The following DAB1 variants were observed in gnomAD, a reference collection of about 807,000 sequenced individuals.
DAB1 encodes disabled homolog 1.
In DAB1, 15 loss-of-function variants were observed where a neutral mutation model predicts 64.6. The observed-to-expected ratio is 0.23, with a 90% confidence interval of 0.16 to 0.36. DAB1 has a LOEUF of 0.36. DAB1 is among the 10% of genes least tolerant of loss of function. DAB1 has a pLI of 1.00. For synonymous variants in DAB1, 235 were observed against 251.9 expected (o/e 0.93, Z 0.64); for missense variants, 596 against 706.7 (o/e 0.84, Z 1.78).
intron 4 of DAB1, among the ~76,000 whole-genome samples, chr1:57,091,914 G>A (rs1437971071): frequency 3.9e-5 from 6 of 152,170 alleles, no homozygotes; most frequent in Admixed American, 1.3e-4. Flanking sequence ...AGAGCACTCC[G>A]TAACTGGCCC....
At chr1:57,053,964 G>C (rs2100537650) in intron 9 of DAB1, among the ~76,000 whole-genome samples, 1 of 152,096 alleles carries the variant, frequency 6.6e-6, no homozygotes, top group Admixed American at 6.5e-5. Flanking sequence ...TGGGATTACA[G>C]GCATGAGCCA....
At chr1:58,172,067 A>G (rs1053269902) in intron 4 of DAB1, among the ~76,000 whole-genome samples, 3 of 152,206 alleles carry the variant, frequency 2.0e-5, no homozygotes, top group Non-Finnish European at 4.4e-5. Flanking sequence ...CGAGATAGCC[A>G]GGCCCCTTTA....
chr1:58,220,872 TAC>T (rs373869896), intron 4 of DAB1, among the ~76,000 whole-genome samples: 41,253 of 146,678 alleles, frequency 0.28, 5,952 homozygotes, highest in East Asian at 0.47. Flanking sequence ...TATACATATA[TAC>T]ACACACACAC....
intron 6 of DAB1, among the ~76,000 whole-genome samples, chr1:57,755,893 T>C (rs1557462597): frequency 6.6e-6 from 1 of 152,196 alleles, no homozygotes; most frequent in Non-Finnish European, 1.5e-5. Flanking sequence ...GATAAGCAAT[T>C]AGATTGCATA....
chr1:57,689,695 T>C (rs553719156), intron 6 of DAB1, among the ~76,000 whole-genome samples: 3 of 152,268 alleles, frequency 2.0e-5, no homozygotes, highest in African/African-American at 4.8e-5. Context: ...AGACATGCAA[T>C]GCATAATAAC....
At chr1:57,911,256 C>T (rs1257754262) in intron 5 of DAB1, among the ~76,000 whole-genome samples, 1 of 152,204 alleles carries the variant, frequency 6.6e-6, no homozygotes, top group Non-Finnish European at 1.5e-5. Flanking sequence ...TCTCTGTGTG[C>T]TGGCCATCTG....
chr1:58,197,467 T>A (rs994646618), intron 4 of DAB1, among the ~76,000 whole-genome samples: 1 of 151,540 alleles, frequency 6.6e-6, no homozygotes, highest in African/African-American at 2.4e-5. Flanking sequence ...TGGTGCCATC[T>A]CAGCTCACTG....
At chr1:57,728,412 T>C (rs540066961) in intron 6 of DAB1, among the ~76,000 whole-genome samples, 1 of 152,158 alleles carries the variant, frequency 6.6e-6, no homozygotes, top group South Asian at 2.1e-4. Flanking sequence ...GCTAACACGG[T>C]GAAACCCCGG....
intron 2 of DAB1, among the ~76,000 whole-genome samples, chr1:57,247,291 G>C (rs1668958198): frequency 6.6e-6 from 1 of 152,138 alleles, no homozygotes; most frequent in Non-Finnish European, 1.5e-5. Context: ...ATGATAGCGA[G>C]TTCTTCACAA....
At chr1:57,236,104 G>T (rs1668068050) in intron 2 of DAB1, among the ~76,000 whole-genome samples, 1 of 152,286 alleles carries the variant, frequency 6.6e-6, no homozygotes, top group African/African-American at 2.4e-5. Context: ...GAAGACGAGA[G>T]CAGAATTGGA....
intron 6 of DAB1, among the ~76,000 whole-genome samples, chr1:57,681,049 A>G (rs546607348): frequency 5.9e-5 from 9 of 152,304 alleles, no homozygotes; most frequent in African/African-American, 2.2e-4. Context: ...AATAATAGAA[A>G]TTTATTGTCC....
intron 1 of DAB1, among the ~76,000 whole-genome samples, chr1:57,835,879 C>T (rs1652787907): frequency 6.6e-6 from 1 of 152,140 alleles, no homozygotes; most frequent in African/African-American, 2.4e-5. Flanking sequence ...CTTAGGTCAC[C>T]AATGCCCCAT....
At position 57,011,282 on chromosome 1, in the gene DAB1, G is replaced by A. The variant is rs752756620; in HGVS notation, c.1445-10C>T. 5.3e-5 allele frequency: 86 copies of A among 1,610,158 alleles called. No individual in the cohort carries two copies. The East Asian group carries it at 1.8e-3, about 33-fold the overall frequency. On this transcript the variant is annotated splice_polypyrimidine_tract_variant and intron_variant, in intron 12 of 14. Coordinates refer to ENST00000371236, the MANE Select transcript of DAB1 (RefSeq NM_001365792.1). ...GGGGCTGGGGTTGGAGCTACACAGAGACCACAGAAAAAGAGACATCTTAAG... is the reference window on the plus strand; with the variant it reads ...GGGGCTGGGGTTGGAGCTACACAGAAACCACAGAAAAAGAGACATCTTAAG...
At chr1:58,361,872 T>TCCC (rs1431606085) in intron 3 of DAB1, among the ~76,000 whole-genome samples, 1 of 138,056 alleles carries the variant, frequency 7.2e-6, no homozygotes, top group Non-Finnish European at 1.6e-5. Context: ...CCTTTTTTTT[T>TCCC]TTTTTTTTTT....
chr1:57,553,717 C>G (rs1323179293), intron 7 of DAB1, among the ~76,000 whole-genome samples: 3 of 151,958 alleles, frequency 2.0e-5, no homozygotes, highest in Admixed American at 2.0e-4. Context: ...TCAATAGGAG[C>G]GATGAGCCTA....
chr1:57,450,513 A>G (rs1686311568), intron 7 of DAB1, among the ~76,000 whole-genome samples: 1 of 152,210 alleles, frequency 6.6e-6, no homozygotes, highest in African/African-American at 2.4e-5. Flanking sequence ...GATTGAAATT[A>G]TGTGTTTATT....
At chr1:57,953,273 G>A (rs1445854799) in intron 5 of DAB1, among the ~76,000 whole-genome samples, 2 of 152,158 alleles carry the variant, frequency 1.3e-5, no homozygotes, top group Non-Finnish European at 2.9e-5. Context: ...AATGTATACG[G>A]GGTGTTGGAC....
At chr1:57,003,540 A>T (rs1255270552) in intron 14 of DAB1, among the ~76,000 whole-genome samples, 1 of 152,106 alleles carries the variant, frequency 6.6e-6, no homozygotes, top group Non-Finnish European at 1.5e-5. Context: ...GTGAAACATA[A>T]ACAACATAAC....
intron 6 of DAB1, among the ~76,000 whole-genome samples, chr1:57,666,544 A>G (rs74075810): frequency 0.022 from 3,353 of 152,234 alleles, 113 homozygotes; most frequent in African/African-American, 0.077. Context: ...CACTAATTCA[A>G]TCTCTTCATG....
Sources: allele counts gnomAD v4.1 joint callset (sites outside exome capture counted in the v4.1 genomes callset), GRCh38; gene constraint gnomAD v4.1.1; transcripts MANE v1.5; gene names NCBI Gene and HGNC (gene_info 2026-07-23, HGNC 2026-07-21).